UGT1A7: variants seen among roughly 807,000 people sequenced by gnomAD.
UGT1A7 encodes UDP glucuronosyltransferase family 1 member A7, also known as UDP-glucuronosyltransferase 1A7.
A neutral mutation model predicts 45.6 loss-of-function variants in UGT1A7; 33 were observed. The ratio of observed to expected loss-of-function variants is 0.72; its 90% CI spans 0.55 to 0.97. UGT1A7 has a LOEUF of 0.97. UGT1A7 is among the 50% of genes least tolerant of loss of function. The pLI is 0.00. For synonymous variants in UGT1A7, 274 were observed against 250.6 expected, an observed-to-expected ratio of 1.09 and a Z score of -0.88; for missense variants, 684 against 666.2, an observed-to-expected ratio of 1.03 and a Z score of -0.29.
chr2:233,730,291 G>T (rs962328046), intron 1 of UGT1A7, among the ~76,000 whole-genome samples: 2 of 152,200 alleles, frequency 1.3e-5, no homozygotes, highest in African/African-American at 4.8e-5. Context: ...CTTCATGGTT[G>T]TGCATGTCCT....
Position 233,772,653 on chromosome 2 carries a change from T to C in UGT1A7, c.*94T>C. The C allele has an allele frequency of 1.3e-6, 2 of 1,546,978 alleles. No individual in the cohort carries two copies. The highest frequency in any genetic ancestry group is 1.7e-6 in the Non-Finnish European group (2 of 1,146,404). On this transcript the variant is annotated 3_prime_UTR_variant, in exon 5 of 5. Transcript: ENST00000373426. ...CAGTGTTAAATTCATTTTATTCTTA[T>C]TAAGGAAATACTTTGCATAAATTAA...
intron 1 of UGT1A7, among the ~76,000 whole-genome samples, chr2:233,698,662 T>C (rs921935371): frequency 1.3e-5 from 2 of 152,238 alleles, no homozygotes; most frequent in Non-Finnish European, 2.9e-5. Flanking sequence ...TAGGTAACTA[T>C]TGGCCCAACT....
intron 1 of UGT1A7, among the ~76,000 whole-genome samples, chr2:233,702,065 TG>T (rs1411404242): frequency 6.6e-6 from 1 of 152,236 alleles, no homozygotes; most frequent in Non-Finnish European, 1.5e-5. Context: ...CTAATTTTAA[TG>T]GTTTTTGGTA....
At chr2:233,705,684 C>T (rs760465489) in intron 1 of UGT1A7, among the ~76,000 whole-genome samples, 4 of 152,274 alleles carry the variant, frequency 2.6e-5, no homozygotes, top group African/African-American at 9.6e-5. Context: ...ATATTCACAA[C>T]GACTGGTATA....
chr2:233,718,785 G>C (rs544842461), intron 1 of UGT1A7: 6 of 1,613,086 alleles, frequency 3.7e-6, no homozygotes, highest in Admixed American at 1.7e-5. Context: ...GGCACAGCGT[G>C]GGGTGGACAG....
chr2:233,755,243 TC>T (rs1695828165), intron 1 of UGT1A7: 10 of 851,914 alleles, frequency 1.2e-5, no homozygotes. Flanking sequence ...ACCGGGGTAC[TC>T]CCAGCACCTC....
intron 1 of UGT1A7, among the ~76,000 whole-genome samples, chr2:233,761,487 C>T (rs1012485766): frequency 1.3e-5 from 2 of 152,232 alleles, no homozygotes; most frequent in East Asian, 1.9e-4. Flanking sequence ...GAAGCCTGCA[C>T]CTTGCCCTGG....
intron 1 of UGT1A7, among the ~76,000 whole-genome samples, chr2:233,731,746 C>T (rs1439402729): frequency 6.6e-6 from 1 of 152,104 alleles, no homozygotes; most frequent in Non-Finnish European, 1.5e-5. Flanking sequence ...AATAAACATA[C>T]GTGTGCATGT....
At position 233,768,097 on chromosome 2, in the gene UGT1A7, T is replaced by C. The variant is rs1699562988; in HGVS notation, c.1076-123T>C. On this transcript the variant is annotated intron_variant, in intron 3 of 4. Transcript: ENST00000373426. ...GGGTATCTCAACCCACATTTTCTTC[T>C]GCAAATTTCTGCAAGGGCATGTGAG... The C allele has an allele frequency of 4.4e-6, 7 of 1,590,772 alleles. No homozygotes were observed. The Admixed American group carries it at 1.2e-4, about 28-fold the overall frequency.
At chr2:233,734,012 C>T (rs930293751) in intron 1 of UGT1A7, among the ~76,000 whole-genome samples, 5 of 151,904 alleles carry the variant, frequency 3.3e-5, no homozygotes, top group East Asian at 1.9e-4. Flanking sequence ...TGTTAAATGA[C>T]GAGTTAATGG....
chr2:233,727,892 G>A (rs1335594867), intron 1 of UGT1A7, among the ~76,000 whole-genome samples: 1 of 152,130 alleles, frequency 6.6e-6, no homozygotes, highest in African/African-American at 2.4e-5. Flanking sequence ...TGGCAGACAC[G>A]GCCAGGCAAG....
chr2:233,719,557 T>G, intron 1 of UGT1A7: 5 of 1,613,868 alleles, frequency 3.1e-6, no homozygotes, highest in Non-Finnish European at 4.2e-6. Flanking sequence ...GTGTCAGTGG[T>G]GGATCTTGTC....
intron 1 of UGT1A7, chr2:233,755,812 A>C (rs1456850451): frequency 6.6e-6 from 1 of 152,248 alleles, no homozygotes; most frequent in African/African-American, 2.4e-5. Context: ...ATTAAAACAG[A>C]ATTAAAAAGA....
rs2074809604 is a variant in UGT1A7, at chr2:233,686,880, C to T, written c.855+4088C>T. ...TCTTTCCTTTCTGTCACTTTTTCTG[C>T]ATGATTCCTGCCCCAGAGGGGTCAA... On this transcript the variant is annotated intron_variant, in intron 1 of 4. Transcript: ENST00000373426. Among the ~76,000 whole-genome samples the T allele has an allele frequency of 2.0e-5, 3 of 152,168 alleles. No homozygotes were observed. In the South Asian group the frequency reaches 6.2e-4, roughly 32 times the overall value.
intron 1 of UGT1A7, among the ~76,000 whole-genome samples, chr2:233,701,820 G>C (rs1478449755): frequency 2.6e-5 from 4 of 152,146 alleles, no homozygotes; most frequent in African/African-American, 4.8e-5. Context: ...CAACATACCA[G>C]AATCTCTGGG....
intron 1 of UGT1A7, chr2:233,729,157 T>C (rs3821242): frequency 0.46 from 737,600 of 1,613,154 alleles, 172,577 homozygotes; most frequent in African/African-American, 0.64. Flanking sequence ...TCCCCTGCCG[T>C]GGCTGGCCAC....
chr2:233,728,926 A>AAAAACTG (rs1334222423), intron 1 of UGT1A7, among the ~76,000 whole-genome samples: 4,919 of 152,266 alleles, frequency 0.032, 259 homozygotes, highest in African/African-American at 0.11. Flanking sequence ...GATAGTCATG[A>AAAAACTG]TCGGTCTTTT....
chr2:233,744,366 G>A (rs1692789065), intron 1 of UGT1A7, among the ~76,000 whole-genome samples: 1 of 151,836 alleles, frequency 6.6e-6, no homozygotes, highest in South Asian at 2.1e-4. Context: ...TGTTGTTTAG[G>A]ACTGCAGTTC....
intron 1 of UGT1A7, chr2:233,691,728 C>A: frequency 1.2e-6 from 1 of 804,008 alleles, no homozygotes; most frequent in Non-Finnish European, 1.5e-6. Context: ...GGTGGCTGGG[C>A]CAGAAGCAGA....
Sources: allele counts gnomAD v4.1 joint callset (sites outside exome capture counted in the v4.1 genomes callset), GRCh38; gene constraint gnomAD v4.1.1; transcripts MANE v1.5; gene names NCBI Gene and HGNC (gene_info 2026-07-23, HGNC 2026-07-21).